UNC13C: variants seen among roughly 807,000 people sequenced by gnomAD.
UNC13C encodes the protein protein unc-13 homolog C.
UNC13C carries 174 observed loss-of-function variants against 245.4 expected under a neutral mutation model. The ratio of observed to expected loss-of-function variants is 0.71; its 90% CI spans 0.63 to 0.80. The LOEUF is 0.80. UNC13C is among the 30% of genes least tolerant of loss of function. The probability of loss-of-function intolerance (pLI) is 0.00; values close to 1 mark genes in which losing one functional copy is unlikely to be tolerated. For synonymous variants in UNC13C, 992 were observed against 895.1 expected, an observed-to-expected ratio of 1.11 and a Z score of -1.93; for missense variants, 2,829 against 2,602.9, an observed-to-expected ratio of 1.09 and a Z score of -1.89.
intron 14 of UNC13C, among the ~76,000 whole-genome samples, chr15:54,325,286 A>G (rs1048971290): frequency 3.9e-5 from 6 of 152,090 alleles, no homozygotes; most frequent in Non-Finnish European, 7.4e-5. Context: ...ACACTTACAC[A>G]CACACATACA....
intron 1 of UNC13C, among the ~76,000 whole-genome samples, chr15:54,003,314 G>A (rs570196635): frequency 2.0e-5 from 3 of 152,264 alleles, no homozygotes; most frequent in African/African-American, 7.2e-5. Flanking sequence ...TGTAAGCCAG[G>A]GTACCTGTAT....
At chr15:53,943,846 T>G in the UNC13C span, among the ~76,000 whole-genome samples, 1 of 152,194 alleles carries the variant, frequency 6.6e-6, no homozygotes, top group African/African-American at 2.4e-5. Flanking sequence ...ATTGGCCCTT[T>G]TATGACATTT....
chr15:54,145,177 T>A (rs1340278518), intron 4 of UNC13C, among the ~76,000 whole-genome samples: 4 of 152,040 alleles, frequency 2.6e-5, no homozygotes, highest in Non-Finnish European at 5.9e-5. Context: ...ATGTACAGTA[T>A]AAATAGAAGC....
intron 10 of UNC13C, among the ~76,000 whole-genome samples, chr15:54,278,982 T>C (rs372710934): frequency 6.6e-6 from 1 of 152,148 alleles, no homozygotes; most frequent in African/African-American, 2.4e-5. Context: ...CTTTTGGAAA[T>C]ATTAAATACA....
chr15:54,525,739 A>G (rs1188895415), intron 25 of UNC13C, 102 bp downstream of exon 25: 14 of 933,448 alleles, frequency 1.5e-5, no homozygotes, highest in Non-Finnish European at 2.2e-5. Flanking sequence ...AAATCTACTT[A>G]ACTTCAAGAC....
At chr15:53,940,600 A>G in the UNC13C span, among the ~76,000 whole-genome samples, 1 of 152,212 alleles carries the variant, frequency 6.6e-6, no homozygotes, top group African/African-American at 2.4e-5. Flanking sequence ...TCTTAAGCTG[A>G]TCGGCAACTT....
chr15:54,432,539 C>A (rs1487582545), intron 19 of UNC13C, among the ~76,000 whole-genome samples: 2 of 151,968 alleles, frequency 1.3e-5, no homozygotes, highest in Non-Finnish European at 2.9e-5. Flanking sequence ...TAAATTATTT[C>A]TTTGAAACCA....
intron 4 of UNC13C, among the ~76,000 whole-genome samples, chr15:54,175,586 C>T (rs1027112471): frequency 5.5e-5 from 8 of 146,016 alleles, no homozygotes; most frequent in Non-Finnish European, 7.4e-5. Flanking sequence ...GATCTCGGCT[C>T]ACTGCAAGCT....
chr15:54,478,287 ATT>A (rs199544402), intron 19 of UNC13C, among the ~76,000 whole-genome samples: 6 of 119,702 alleles, frequency 5.0e-5, no homozygotes, highest in East Asian at 5.8e-4. Flanking sequence ...TTTTTTGAAG[ATT>A]TTTTTTTTGT....
the UNC13C span, among the ~76,000 whole-genome samples, chr15:53,844,299 G>C: frequency 6.6e-6 from 1 of 152,196 alleles, no homozygotes; most frequent in Non-Finnish European, 1.5e-5. Context: ...TTTGGTCACT[G>C]TTAAAGAGAA....
intron 18 of UNC13C, among the ~76,000 whole-genome samples, chr15:54,399,927 T>G (rs1035466533): frequency 3.3e-5 from 5 of 152,026 alleles, no homozygotes; most frequent in African/African-American, 4.8e-5. Flanking sequence ...TACTTTTATA[T>G]TTAAGAAATT....
At chr15:54,512,519 C>A in intron 24 of UNC13C, 1 of 362,700 alleles carries the variant, frequency 2.8e-6, no homozygotes, top group East Asian at 7.9e-5. Flanking sequence ...TATGCACCTG[C>A]ATCTTCCTGC....
At chr15:54,162,979 C>T (rs950543620) in intron 4 of UNC13C, among the ~76,000 whole-genome samples, 11 of 152,066 alleles carry the variant, frequency 7.2e-5, no homozygotes, top group African/African-American at 2.2e-4. Flanking sequence ...AGTTGTGCCG[C>T]GTTTTAGGAT....
Position 54,015,103 on chromosome 15 carries a change from T to C in UNC13C, c.2200T>C (p.Trp734Arg). ...PGLDNEPQGQ[W>R]VGQYDSYQGA... ...CTTGGATAATGAACCACAAGGCCAG[T>C]GGGTTGGCCAATATGATTCTTATCA... The change falls in exon 2 of 33, where the codon TGG (tryptophan) becomes CGG (arginine). Residue 734 changes from tryptophan to arginine, a missense_variant. By Grantham distance (101) the Trp-to-Arg change is moderately radical. Coordinates refer to ENST00000260323, the MANE Select transcript of UNC13C (RefSeq NM_001080534.3). The C allele has an allele frequency of 6.2e-7, 1 of 1,612,746 alleles. No individual in the cohort carries two copies. Among genetic ancestry groups the C allele is most frequent in the Non-Finnish European group, 8.5e-7 (1 of 1,179,394 alleles).
chr15:54,241,225 G>T (rs1567127742), intron 7 of UNC13C, among the ~76,000 whole-genome samples: 2 of 152,120 alleles, frequency 1.3e-5, no homozygotes, highest in African/African-American at 4.8e-5. Flanking sequence ...TGTTAAGGCT[G>T]GCAGGCTTCT....
intron 2 of UNC13C, among the ~76,000 whole-genome samples, chr15:54,127,265 T>C (rs977281532): frequency 2.6e-5 from 4 of 152,300 alleles, no homozygotes; most frequent in South Asian, 2.1e-4. Context: ...CATATGTTTA[T>C]TGTAGCACTG....
the UNC13C span, among the ~76,000 whole-genome samples, chr15:53,965,382 T>G: frequency 7.2e-5 from 11 of 152,060 alleles, no homozygotes; most frequent in African/African-American, 2.7e-4. Flanking sequence ...GTACAATTAC[T>G]TCATATATTC....
intron 2 of UNC13C, among the ~76,000 whole-genome samples, chr15:54,087,821 T>C (rs909266456): frequency 3.9e-5 from 6 of 152,242 alleles, no homozygotes; most frequent in Admixed American, 3.9e-4. Context: ...ACCAAAGTTT[T>C]TGTCTGTGCC....
At chr15:53,944,649 T>C in the UNC13C span, among the ~76,000 whole-genome samples, 1 of 152,254 alleles carries the variant, frequency 6.6e-6, no homozygotes, top group Non-Finnish European at 1.5e-5. Context: ...GTACCACATT[T>C]TCTTTACCCA....
Sources: gnomAD v4.1 joint callset for allele counts (sites outside exome capture counted in the v4.1 genomes callset) on GRCh38, gnomAD v4.1.1 for gene constraint, MANE v1.5 for transcripts, NCBI Gene and HGNC (gene_info 2026-07-23, HGNC 2026-07-21) for gene names.